PSMA2: variants seen among roughly 807,000 people sequenced by gnomAD.
PSMA2 encodes proteasome 20S subunit alpha 2, also known as proteasome subunit alpha type-2.
In PSMA2, 2 loss-of-function variants were observed where a neutral mutation model predicts 35.9. The ratio of observed to expected loss-of-function variants is 0.06; its 90% confidence interval spans 0.02 to 0.18. The LOEUF (loss-of-function observed/expected upper bound fraction) is 0.18. PSMA2 is among the 10% of genes least tolerant of loss of function. The pLI, the probability that PSMA2 is intolerant of heterozygous loss-of-function variation, is 1.00. For synonymous variants in PSMA2, 97 were observed against 98.2 expected (o/e 0.99, Z 0.07); for missense variants, 126 against 278.8 (o/e 0.45, Z 3.90).
rs980398319 is a variant in PSMA2 at position 42,917,175 on chromosome 7, G to C, written c.*399C>G. 1.8e-5 allele frequency: 3 copies of C among 170,298 alleles called. No individual in the cohort carries two copies. The highest frequency in any genetic ancestry group is 4.8e-5 in the African/African-American group (2 of 41,598). The allele number at this position is 170,298 out of a possible 1,614,324, so 10.5% of individuals were successfully genotyped here. On this transcript the variant is annotated 3_prime_UTR_variant, in exon 8 of 8. Coordinates refer to ENST00000223321, the MANE Select transcript of PSMA2 (RefSeq NM_002787.5). ...TTCCATGAATCCGTGAAAGTCTGCA[G>C]ATCCTCCCAGCTCTAGAAGCAGTCA... is the stretch of plus-strand genomic sequence containing the variant.
intron 1 of PSMA2, chr7:42,931,019 GACA>G (rs1786299139): frequency 3.4e-6 from 1 of 292,208 alleles, no homozygotes; most frequent in Non-Finnish European, 6.9e-6. Context: ...TGGAATTTAA[GACA>G]ACGTTATGTA....
At chr7:42,930,703 C>A (rs569319770) in intron 1 of PSMA2, among the ~76,000 whole-genome samples, 221 of 151,618 alleles carry the variant, frequency 1.5e-3, no homozygotes, top group African/African-American at 5.1e-3. Flanking sequence ...AGACCTCATG[C>A]CTTAAAAAAA....
chr7:42,921,767 T>C, intron 6 of PSMA2, 91 bp downstream of exon 6: 1 of 1,049,852 alleles, frequency 9.5e-7, no homozygotes, highest in Non-Finnish European at 1.4e-6. Flanking sequence ...ATAGCAAGTT[T>C]CTTTAGTCCC....
At chr7:42,926,929 T>C (rs1458289512) in intron 2 of PSMA2, among the ~76,000 whole-genome samples, 1 of 152,228 alleles carries the variant, frequency 6.6e-6, no homozygotes, top group Admixed American at 6.5e-5. Flanking sequence ...TAAGGATACC[T>C]GAGAGTTCAC....
intron 1 of PSMA2, among the ~76,000 whole-genome samples, chr7:42,931,825 C>T (rs1007563126): frequency 6.6e-6 from 1 of 152,166 alleles, no homozygotes; most frequent in Non-Finnish European, 1.5e-5. Context: ...AAACTGCCTT[C>T]TTTTCTGGTC....
chr7:42,931,628 T>C (rs1475980056), intron 1 of PSMA2, among the ~76,000 whole-genome samples: 2 of 152,108 alleles, frequency 1.3e-5, no homozygotes, highest in African/African-American at 4.8e-5. Flanking sequence ...CGGGAGGTTT[T>C]GAAAGACACT....
At chr7:42,924,558 T>C in intron 4 of PSMA2, 117 bp downstream of exon 4, 1 of 1,021,458 alleles carries the variant, frequency 9.8e-7, no homozygotes, top group Non-Finnish European at 1.4e-6. Flanking sequence ...ATAGTGATTC[T>C]GTCCACTTGT....
In PSMA2 at chr7:42,929,610, GT is replaced by G. The variant is rs553109317; in HGVS notation, c.42-2152del. On this transcript the variant is annotated intron_variant, in intron 1 of 7. Transcript: ENST00000223321. ...GATAACTGAAATAGCCTTCTAACTG[GT>G]TTTCCTCTTTCTCAACCTTACTTCC... Among the ~76,000 whole-genome samples the G allele has an allele frequency of 2.7e-4, 41 of 151,540 alleles. No homozygotes were observed. In the East Asian group the frequency reaches 7.9e-3, roughly 29 times the overall value.
intron 4 of PSMA2, 130 bp from the exon 5 acceptor site, chr7:42,923,536 G>GT: frequency 1.5e-6 from 1 of 666,800 alleles, no homozygotes; most frequent in Non-Finnish European, 2.7e-6. Flanking sequence ...TCCTTAGAAA[G>GT]TATTTAACAC....
intron 6 of PSMA2, 122 bp downstream of exon 6, chr7:42,921,736 T>A: frequency 1.6e-6 from 1 of 643,104 alleles, no homozygotes; most frequent in Non-Finnish European, 2.5e-6. Flanking sequence ...TATCTGTAAC[T>A]AGATTCATAT....
In PSMA2 at chr7:42,917,839, A is replaced by G; in HGVS notation, c.531-4T>C. ...AAGTTCCAGATCTTCATTATATCTG[A>G]AGAATTTAAAAAAAATTACTTATAT... On this transcript the variant is annotated splice_region_variant and splice_polypyrimidine_tract_variant and intron_variant, in intron 6 of 7. Transcript: ENST00000223321. The G allele has an allele frequency of 6.3e-7, 1 of 1,575,926 alleles. No homozygotes were observed. The highest frequency in any genetic ancestry group is 8.6e-7 in the Non-Finnish European group (1 of 1,157,572).
At chr7:42,919,434 A>G in intron 6 of PSMA2, 1 of 550,146 alleles carries the variant, frequency 1.8e-6, no homozygotes, top group East Asian at 4.8e-5. Context: ...TGACTTGAAC[A>G]AACCCGAAGC....
chr7:42,926,701 A>C, intron 2 of PSMA2, 33 bp from the exon 3 acceptor site: 6 of 1,573,738 alleles, frequency 3.8e-6, no homozygotes, highest in Non-Finnish European at 5.1e-6. Context: ...TAAATGTTTA[A>C]TCATTTTTAA....
intron 6 of PSMA2, chr7:42,918,856 C>T: frequency 6.0e-6 from 1 of 167,190 alleles, no homozygotes; most frequent in Non-Finnish European, 1.3e-5. Flanking sequence ...CAGAATCTTG[C>T]TCTGTCGCCC....
chr7:42,921,999 T>A, intron 5 of PSMA2, 68 bp from the exon 6 acceptor site: 2 of 1,218,660 alleles, frequency 1.6e-6, no homozygotes, highest in Non-Finnish European at 2.4e-6. Context: ...GCCCTGCCAT[T>A]TAATTTTTAG....
At position 42,926,528 on chromosome 7, in the gene PSMA2, T is replaced by C. The variant is rs748123230; in HGVS notation, c.251+8A>G. 1.0e-5 allele frequency: 16 copies of C among 1,573,664 alleles called. No individual in the cohort carries two copies. The East Asian group carries it at 3.5e-4, about 34-fold the overall frequency. Reference sequence around the variant, plus strand: ...ATGGTGAGAAACACTATAAAAAGTATAAAGTACCTGTAATCGGGGCCCATG... The same window carrying C: ...ATGGTGAGAAACACTATAAAAAGTACAAAGTACCTGTAATCGGGGCCCATG... On this transcript the variant is annotated splice_region_variant and intron_variant, in intron 3 of 7. Coordinates refer to ENST00000223321, the MANE Select transcript of PSMA2 (RefSeq NM_002787.5).
intron 6 of PSMA2, 182 bp from the exon 7 acceptor site, chr7:42,918,017 G>T: frequency 2.1e-6 from 1 of 465,870 alleles, no homozygotes; most frequent in Non-Finnish European, 3.8e-6. Flanking sequence ...AATATCTGGT[G>T]CTCAATTCCC....
intron 1 of PSMA2, among the ~76,000 whole-genome samples, chr7:42,930,166 ATTTTCT>A (rs1200516576): frequency 6.6e-6 from 1 of 151,918 alleles, no homozygotes; most frequent in African/African-American, 2.4e-5. Flanking sequence ...AGAAACAAAT[ATTTTCT>A]TTTTATCTAA....
intron 3 of PSMA2, among the ~76,000 whole-genome samples, chr7:42,925,936 GAC>G (rs1479385315): frequency 6.6e-6 from 1 of 152,216 alleles, no homozygotes; most frequent in Non-Finnish European, 1.5e-5. Flanking sequence ...TTGTTTAAAT[GAC>G]AGACACAGAA....
Sources: gnomAD v4.1 joint callset for allele counts (sites outside exome capture counted in the v4.1 genomes callset) on GRCh38, gnomAD v4.1.1 for gene constraint, MANE v1.5 for transcripts, NCBI Gene and HGNC (gene_info 2026-07-23, HGNC 2026-07-21) for gene names.